Variants in BCL6 observed in about 807,000 individuals in gnomAD.
The protein encoded by BCL6 is B-cell lymphoma 6 protein.
In BCL6, 7 loss-of-function variants were observed where a neutral mutation model predicts 59.5. The ratio of observed to expected loss-of-function variants is 0.12; its 90% confidence interval spans 0.07 to 0.22. The LOEUF (loss-of-function observed/expected upper bound fraction) is 0.22, where lower values mean the gene tolerates loss of function less well. Among genes scored for constraint, BCL6 ranks in the 10% least tolerant of loss-of-function variants. The pLI is 1.00. For synonymous variants in BCL6, 339 were observed against 349.7 expected, an observed-to-expected ratio of 0.97 and a Z score of 0.34; for missense variants, 685 against 939.4, an observed-to-expected ratio of 0.73 and a Z score of 3.54.
At position 187,729,104 on chromosome 3, in the gene BCL6, C is replaced by T; in HGVS notation, c.1301G>A (p.Ser434Asn). 1 of 1,558,036 alleles carries T rather than the reference C, an allele frequency of 6.4e-7. No homozygotes were observed. The highest frequency in any genetic ancestry group is 8.7e-7 in the Non-Finnish European group (1 of 1,152,986). ...TTGTGGGATGGTGGAGTCCTCCCCGCTGGCACTCAGCTTGGTTGGGGACTG... is the reference window on the plus strand; with the variant it reads ...TTGTGGGATGGTGGAGTCCTCCCCGTTGGCACTCAGCTTGGTTGGGGACTG... ...DLQSPTKLSASGEDSTIPQAS... is the reference protein window; with the variant it reads ...DLQSPTKLSANGEDSTIPQAS... Residue 434 changes from serine to asparagine, a missense_variant, in exon 5 of 10, where the codon AGC becomes AAC. Ser to Asn is a conservative substitution (Grantham distance 46). Transcript: ENST00000406870. The surrounding 1 kb of genome is among the most constrained non-coding windows in gnomAD (Gnocchi z 5.6).
intron 6 of BCL6, 97 bp from the exon 7 acceptor site, chr3:187,726,995 T>C: frequency 7.1e-7 from 1 of 1,408,094 alleles, no homozygotes; most frequent in South Asian, 1.3e-5. Context: ...TGTGCCAAAC[T>C]GAACTCTCAG....
chr3:187,741,544 A>G (rs1183632232), intron 1 of BCL6, among the ~76,000 whole-genome samples: 1 of 142,076 alleles, frequency 7.0e-6, no homozygotes, highest in African/African-American at 2.5e-5. Flanking sequence ...TGGGTCTCGG[A>G]GTGGACATCG....
intron 4 of BCL6, among the ~76,000 whole-genome samples, chr3:187,730,968 C>A (rs1234142802): frequency 1.3e-5 from 2 of 152,148 alleles, no homozygotes; most frequent in African/African-American, 4.8e-5. Flanking sequence ...GCCTGGAAAA[C>A]CCTTCTGTTT....
Position 187,731,714 on chromosome 3 carries a change from C to T in BCL6, c.378G>A (p.Lys126=). The T allele has an allele frequency of 2.5e-6, 4 of 1,613,928 alleles. No homozygotes were observed. The highest frequency in any genetic ancestry group is 2.2e-5 in the East Asian group (1 of 44,870). Residue 126 remains lysine, a synonymous_variant, in exon 4 of 10, where the codon AAG becomes AAA. Transcript: ENST00000406870. Reference sequence around the variant, plus strand: ...CCACCCGGGTAGCAACTCACCTGGCCTTAATAAACTTCCGGCAAGTGTCCA... The same window carrying T: ...CCACCCGGGTAGCAACTCACCTGGCTTTAATAAACTTCCGGCAAGTGTCCA... ...HVVDTCRKFI[K]ASEAEMVSAI...
Position 187,734,655 on chromosome 3 carries a change from T to C in BCL6, c.-11+214A>G, listed in dbSNP as rs1379434443. On this transcript the variant is annotated intron_variant, in intron 2 of 9. Transcript: ENST00000406870. The stretch of plus-strand genomic sequence containing the variant: ...TGAACATTAGCTGGCTAAATTAGTT[T>C]GTACAAAGAAAGAGTAACAATGATT... The C allele has an allele frequency of 2.6e-5, 4 of 152,480 alleles. No homozygotes were observed. In the East Asian group the frequency reaches 7.7e-4, roughly 29 times the overall value. The allele number at this position is 152,480 out of a possible 1,614,324, so 9.4% of individuals were successfully genotyped here.
chr3:187,725,431 C>A lies in BCL6; in HGVS notation c.1839+68G>T, dbSNP rs1032985614. 12 of 1,589,678 alleles carry A rather than the reference C, an allele frequency of 7.5e-6. No individual in the cohort carries two copies. Among genetic ancestry groups the A allele is most frequent in the Non-Finnish European group, 9.4e-6 (11 of 1,166,304 alleles). On this transcript the variant is annotated intron_variant, in intron 8 of 9. Transcript: ENST00000406870. This position sits in a 1 kb window ranked among gnomAD's most constrained non-coding sequence, Gnocchi z 4.7. The stretch of plus-strand genomic sequence containing the variant: ...GCCTGCCCACTCCTCCGCTTGCCTG[C>A]CCACTCCTCCGCTCGCCTGCCCGCT...
In BCL6 at chr3:187,731,855, G is replaced by A; in HGVS notation, c.237C>T (p.Asn79=). The A allele has an allele frequency of 1.2e-6, 2 of 1,614,158 alleles. No individual in the cohort carries two copies. The highest frequency in any genetic ancestry group is 1.7e-6 in the Non-Finnish European group (2 of 1,180,026). Residue 79 remains asparagine, a synonymous_variant, in exon 4 of 10, where the codon AAC becomes AAT. Coordinates refer to ENST00000406870, the MANE Select transcript of BCL6 (RefSeq NM_001706.5). ...CCAGGAGGATGCAGAATCCCTCAGG[G>A]TTGATCTCAGGATCTAGATTGATCA... The part of the protein sequence containing the change: ...LSVINLDPEI[N]PEGFCILLDF...
chr3:187,738,428 T>C (rs575589998), intron 1 of BCL6, among the ~76,000 whole-genome samples: 1 of 152,236 alleles, frequency 6.6e-6, no homozygotes, highest in East Asian at 1.9e-4. Flanking sequence ...CCACTTGGTT[T>C]CCGCCCAAAG....
chr3:187,745,160 T>C (rs1711876381), intron 1 of BCL6, among the ~76,000 whole-genome samples: 3 of 152,136 alleles, frequency 2.0e-5, no homozygotes, highest in East Asian at 3.9e-4. Flanking sequence ...TATCCTATGG[T>C]GGGAGAGACG....
chr3:187,744,175 A>T (rs2108483034), intron 1 of BCL6, among the ~76,000 whole-genome samples: 1 of 152,310 alleles, frequency 6.6e-6, no homozygotes, highest in African/African-American at 2.4e-5. Context: ...ATTGGGAGCC[A>T]ACACAGAGTC....
chr3:187,731,685 G>A (rs1331551642), intron 4 of BCL6, 24 bp downstream of exon 4: 22 of 1,608,994 alleles, frequency 1.4e-5, no homozygotes, highest in East Asian at 4.5e-5. Flanking sequence ...CATCTCCGAC[G>A]CTTCCACCCG....
intron 1 of BCL6, among the ~76,000 whole-genome samples, chr3:187,744,906 GAGCGAGAGCGCGAGCGCGCGTCCTCT>G: frequency 6.6e-6 from 1 of 152,224 alleles, no homozygotes; most frequent in East Asian, 1.9e-4. Context: ...GCAGCAGAAA[GAGCGAGAGCGCGAGCGCGCGTCCTCT>G]CCGCGGTCTG....
Position 187,722,429 on chromosome 3 carries a change from T to A in BCL6, c.*29A>T. 1 of 1,596,154 alleles carries A rather than the reference T, an allele frequency of 6.3e-7. No homozygotes were observed. Among genetic ancestry groups the A allele is most frequent in the Non-Finnish European group, 8.5e-7 (1 of 1,170,772 alleles). Reference sequence around the variant, plus strand: ...CTTTGGGTAGATTCTGAGAAGGGGCTGGAGACGAAAGCATCAACACTCCAT... The same window carrying A: ...CTTTGGGTAGATTCTGAGAAGGGGCAGGAGACGAAAGCATCAACACTCCAT... On this transcript the variant is annotated 3_prime_UTR_variant, in exon 10 of 10. Coordinates refer to ENST00000406870, the MANE Select transcript of BCL6 (RefSeq NM_001706.5).
chr3:187,744,083 G>T (rs1456477436), intron 1 of BCL6, among the ~76,000 whole-genome samples: 1 of 152,100 alleles, frequency 6.6e-6, no homozygotes, highest in African/African-American at 2.4e-5. Context: ...CGTCCACTAC[G>T]CTCAGGCCCG....
intron 1 of BCL6, among the ~76,000 whole-genome samples, chr3:187,742,844 T>C (rs2108481243): frequency 6.6e-6 from 1 of 152,280 alleles, no homozygotes; most frequent in East Asian, 1.9e-4. Context: ...AGAATGTGAT[T>C]TCATCTCTCT....
At chr3:187,724,881 C>T in intron 9 of BCL6, 60 bp downstream of exon 9, 2 of 1,607,562 alleles carry the variant, frequency 1.2e-6, no homozygotes, top group Non-Finnish European at 1.7e-6. Flanking sequence ...TGCGCTCCAC[C>T]TCCTTCCCTG....
intron 1 of BCL6, among the ~76,000 whole-genome samples, chr3:187,745,203 T>G (rs994308129): frequency 6.6e-6 from 1 of 152,026 alleles, no homozygotes. Flanking sequence ...TTTTAACACC[T>G]GACAGCTAGA....
intron 1 of BCL6, among the ~76,000 whole-genome samples, chr3:187,741,064 C>G (rs1311630325): frequency 2.6e-5 from 4 of 152,210 alleles, no homozygotes; most frequent in African/African-American, 7.2e-5. Flanking sequence ...GTCCGAGAAT[C>G]GCCGCGCGGC....
Position 187,729,443 on chromosome 3 carries a change from G to A in BCL6, c.962C>T (p.Ala321Val), listed in dbSNP as rs377059215. 2.2e-4 allele frequency: 349 copies of A among 1,609,986 alleles called. No homozygotes were observed. Among genetic ancestry groups the A allele is most frequent in the Non-Finnish European group, 2.8e-4 (335 of 1,177,696 alleles). ...EIALHFEPPN[A>V]PLNRKGLVSP... The stretch of plus-strand genomic sequence containing the variant: ...AACCAGACCCTTCCGGTTCAGGGGT[G>A]CATTGGGGGGCTCGAAATGCAGGGC... The change falls in exon 5 of 10, where the codon GCA becomes GTA. Residue 321 changes from alanine to valine, a missense_variant. By Grantham distance (64) the Ala-to-Val change is moderately conservative. This residue lies in a region of BCL6 where 268 missense variants were observed against 263.8 expected (regional missense o/e 1.02). Coordinates refer to ENST00000406870, the MANE Select transcript of BCL6 (RefSeq NM_001706.5). This position sits in a 1 kb window ranked among gnomAD's most constrained non-coding sequence, Gnocchi z 5.6.
Sources: gnomAD v4.1 joint callset for allele counts (sites outside exome capture counted in the v4.1 genomes callset) on GRCh38, gnomAD v4.1.1 for gene constraint, gnomAD v4.1.1 regional missense constraint, Gnocchi (gnomAD v3.1) non-coding constraint, MANE v1.5 for transcripts, NCBI Gene and HGNC (gene_info 2026-07-23, HGNC 2026-07-21) for gene names.